SCMH1: variants seen among roughly 807,000 people sequenced by gnomAD.
SCMH1 encodes the protein Scm polycomb group protein homolog 1, also known as polycomb protein SCMH1.
A neutral mutation model predicts 70.8 loss-of-function variants in SCMH1; 37 were observed. The ratio of observed to expected loss-of-function variants is 0.52; its 90% CI spans 0.40 to 0.69. The LOEUF (loss-of-function observed/expected upper bound fraction) is 0.69, where lower values mean the gene tolerates loss of function less well. SCMH1 is among the 30% of genes least tolerant of loss of function. The pLI, the probability that SCMH1 is intolerant of heterozygous loss-of-function variation, is 0.00. For synonymous variants in SCMH1, 292 were observed against 307.4 expected, an observed-to-expected ratio of 0.95 and a Z score of 0.52; for missense variants, 607 against 827.3, an observed-to-expected ratio of 0.73 and a Z score of 3.27.
chr1:41,235,412 A>C (rs1314914949), intron 1 of SCMH1, among the ~76,000 whole-genome samples: 1 of 151,888 alleles, frequency 6.6e-6, no homozygotes, highest in African/African-American at 2.4e-5. Context: ...CTCTACTAAA[A>C]ATACAAAATT....
chr1:41,199,254 A>G (rs1417674320), intron 1 of SCMH1, among the ~76,000 whole-genome samples: 1 of 152,194 alleles, frequency 6.6e-6, no homozygotes, highest in African/African-American at 2.4e-5. Flanking sequence ...ACCAAGAAAG[A>G]GCACATTACT....
At chr1:41,100,316 C>CA (rs1557432804) in intron 8 of SCMH1, among the ~76,000 whole-genome samples, 1 of 151,590 alleles carries the variant, frequency 6.6e-6, no homozygotes, top group African/African-American at 2.4e-5. Context: ...CTAACAACAA[C>CA]AAAAAAAGGT....
chr1:41,130,721 C>T (rs1380220153), intron 6 of SCMH1, among the ~76,000 whole-genome samples: 2 of 152,086 alleles, frequency 1.3e-5, no homozygotes, highest in Admixed American at 1.3e-4. Context: ...GTGCAAACAT[C>T]ACTTTATCTA....
chr1:41,167,320 T>A (rs1217690123), intron 2 of SCMH1, among the ~76,000 whole-genome samples: 2 of 152,122 alleles, frequency 1.3e-5, no homozygotes, highest in East Asian at 1.9e-4. Context: ...TGAAGGGAGA[T>A]GTAGTCTTCT....
At chr1:41,121,658 T>C (rs567651420) in intron 6 of SCMH1, among the ~76,000 whole-genome samples, 4 of 152,280 alleles carry the variant, frequency 2.6e-5, no homozygotes, top group Admixed American at 2.0e-4. Flanking sequence ...AATTTATATA[T>C]CTAGCCAAAA....
intron 4 of SCMH1, among the ~76,000 whole-genome samples, chr1:41,155,984 C>CAAAAAAAAAAAAAAA (rs386366781): frequency 1.0e-3 from 76 of 74,620 alleles, no homozygotes; most frequent in African/African-American, 4.3e-3. Context: ...GACTCCGTCT[C>CAAAAAAAAAAAAAAA]AAAAAAAAAA....
chr1:41,185,879 C>G (rs1650066669), intron 2 of SCMH1: 2 of 281,762 alleles, frequency 7.1e-6, no homozygotes, highest in African/African-American at 2.2e-5. Flanking sequence ...CCCACCTTGG[C>G]TTCCCAGAGT....
intron 13 of SCMH1, among the ~76,000 whole-genome samples, chr1:41,036,072 C>T (rs189642390): frequency 9.9e-5 from 15 of 152,258 alleles, no homozygotes; most frequent in Admixed American, 9.2e-4. Flanking sequence ...CTCACCTTCC[C>T]GTTCTCACCT....
intron 1 of SCMH1, among the ~76,000 whole-genome samples, chr1:41,216,263 C>T (rs918626365): frequency 6.6e-6 from 1 of 152,118 alleles, no homozygotes; most frequent in African/African-American, 2.4e-5. Context: ...ACACTGTGAT[C>T]GGCACTAAAG....
chr1:41,089,746 T>A (rs2149010899), intron 8 of SCMH1, among the ~76,000 whole-genome samples: 1 of 146,966 alleles, frequency 6.8e-6, no homozygotes, highest in Non-Finnish European at 1.5e-5. Flanking sequence ...ACCTACTTCC[T>A]ACCACTCTCC....
chr1:41,210,584 C>T (rs373208909), intron 1 of SCMH1, among the ~76,000 whole-genome samples: 4 of 152,182 alleles, frequency 2.6e-5, no homozygotes, highest in African/African-American at 9.6e-5. Flanking sequence ...CTTTTGCAAA[C>T]CTGACAAAAA....
At chr1:41,106,624 T>G (rs1413418532) in intron 8 of SCMH1, among the ~76,000 whole-genome samples, 2 of 151,936 alleles carry the variant, frequency 1.3e-5, no homozygotes, top group Non-Finnish European at 2.9e-5. Context: ...ATTCTGCGCC[T>G]TCCTCTGCTG....
At chr1:41,110,101 C>T (rs895856912) in intron 8 of SCMH1, among the ~76,000 whole-genome samples, 18 of 152,210 alleles carry the variant, frequency 1.2e-4, no homozygotes, top group African/African-American at 4.3e-4. Context: ...ATTTACCATA[C>T]TGACCCCAGG....
chr1:41,137,181 C>A (rs887771582), intron 6 of SCMH1, among the ~76,000 whole-genome samples: 1 of 151,778 alleles, frequency 6.6e-6, no homozygotes, highest in African/African-American at 2.4e-5. Flanking sequence ...AATTCTTTTT[C>A]TAGCTCTTTG....
chr1:41,033,575 T>C (rs1644853314), intron 13 of SCMH1, among the ~76,000 whole-genome samples: 1 of 152,136 alleles, frequency 6.6e-6, no homozygotes, highest in African/African-American at 2.4e-5. Flanking sequence ...CCCCTCAATG[T>C]GTACGGCTGG....
chr1:41,114,929 T>C (rs1670094394), intron 7 of SCMH1, among the ~76,000 whole-genome samples: 1 of 152,090 alleles, frequency 6.6e-6, no homozygotes, highest in African/African-American at 2.4e-5. Context: ...CCGTATGCCT[T>C]GGCCTCCCAA....
Position 41,150,793 on chromosome 1 carries a change from C to T in SCMH1, c.177+821G>A, listed in dbSNP as rs371174280. 4.6e-4 allele frequency among the ~76,000 whole-genome samples: 69 copies of T among 151,516 alleles called. No homozygotes were observed. In the South Asian group the frequency reaches 0.012, roughly 27 times the overall value. On this transcript the variant is annotated intron_variant, in intron 5 of 14. Transcript: ENST00000337495. ...CTATTAAAAATACAAAAAAATTAGC[C>T]GGGCATGGTGGCAGGTGCCTGTAGT... is the stretch of plus-strand genomic sequence containing the variant.
intron 10 of SCMH1, 37 bp downstream of exon 10, chr1:41,070,558 G>A (rs1161276151): frequency 3.1e-6 from 5 of 1,613,202 alleles, no homozygotes; most frequent in Non-Finnish European, 4.2e-6. Flanking sequence ...ACTAGGTCTG[G>A]GGCTTGTGCG....
rs143008383 is a variant in SCMH1, at chr1:41,088,845, C to T, written c.746-13394G>A. 5.3e-5 allele frequency among the ~76,000 whole-genome samples: 8 copies of T among 152,078 alleles called. No individual in the cohort carries two copies. The East Asian group carries it at 7.7e-4, about 15-fold the overall frequency. ...TTTTATGTGTATTATAGGATGTTGG[C>T]GGAAACTAAGATTCATACTGTAGAA... On this transcript the variant is annotated intron_variant, in intron 8 of 14. Transcript: ENST00000337495.
Sources: allele counts gnomAD v4.1 joint callset (sites outside exome capture counted in the v4.1 genomes callset), GRCh38; gene constraint gnomAD v4.1.1; transcripts MANE v1.5; gene names NCBI Gene and HGNC (gene_info 2026-07-23, HGNC 2026-07-21).